TENM2: variants seen among roughly 807,000 people sequenced by gnomAD.
The protein encoded by TENM2 is teneurin transmembrane protein 2.
TENM2 carries 52 observed loss-of-function variants against 245.2 expected under a neutral mutation model. That is an observed-to-expected ratio of 0.21 (90% CI 0.17 to 0.27). The LOEUF is 0.27. Among genes scored for constraint, TENM2 ranks in the 10% least tolerant of loss-of-function variants. The pLI is 1.00. For missense variants in TENM2, 3,046 were observed against 3,666.8 expected, an observed-to-expected ratio of 0.83 and a Z score of 4.37; for synonymous variants, 1,363 against 1,438.9, an observed-to-expected ratio of 0.95 and a Z score of 1.19.
intron 1 of TENM2, among the ~76,000 whole-genome samples, chr5:167,314,087 T>A (rs1435184668): frequency 6.6e-6 from 1 of 152,124 alleles, no homozygotes; most frequent in Non-Finnish European, 1.5e-5. Flanking sequence ...CCATATAGAG[T>A]GGCAAATAAT....
At chr5:167,681,574 G>C (rs1301656466) in intron 2 of TENM2, among the ~76,000 whole-genome samples, 1 of 152,004 alleles carries the variant, frequency 6.6e-6, no homozygotes, top group African/African-American at 2.4e-5. Context: ...GTGTGCTTGT[G>C]TGTGTATGTA....
intron 2 of TENM2, among the ~76,000 whole-genome samples, chr5:167,799,411 CT>C (rs1765545551): frequency 6.6e-6 from 1 of 152,020 alleles, no homozygotes; most frequent in Non-Finnish European, 1.5e-5. Flanking sequence ...TTATTTTGGC[CT>C]TTGCTTTCTA....
chr5:167,186,933 G>T, the TENM2 span, among the ~76,000 whole-genome samples: 133 of 152,278 alleles, frequency 8.7e-4, no homozygotes, highest in Non-Finnish European at 1.5e-3. Flanking sequence ...ACATTTCTGG[G>T]AGAACTCACC....
the TENM2 span, among the ~76,000 whole-genome samples, chr5:167,026,643 C>T: frequency 6.6e-6 from 1 of 152,174 alleles, no homozygotes; most frequent in African/African-American, 2.4e-5. Flanking sequence ...CTTTAGCATG[C>T]GCAAGTATGA....
chr5:167,462,076 C>CACATACAT (rs1554159630), intron 2 of TENM2, among the ~76,000 whole-genome samples: 8 of 151,896 alleles, frequency 5.3e-5, no homozygotes, highest in Non-Finnish European at 8.8e-5. Flanking sequence ...GTTTTACATG[C>CACATACAT]ACATACATAC....
intron 4 of TENM2, among the ~76,000 whole-genome samples, chr5:167,961,857 A>G (rs2151888460): frequency 6.6e-6 from 1 of 152,318 alleles, no homozygotes; most frequent in South Asian, 2.1e-4. Context: ...TGATGGGTGA[A>G]CAACCACAAA....
chr5:167,620,712 G>A (rs1778110507), intron 2 of TENM2, among the ~76,000 whole-genome samples: 1 of 151,854 alleles, frequency 6.6e-6, no homozygotes, highest in African/African-American at 2.4e-5. Context: ...CTCTTTCAAT[G>A]CTCCAGAGAA....
At chr5:167,925,853 A>G (rs545430569) in intron 3 of TENM2, among the ~76,000 whole-genome samples, 1 of 152,338 alleles carries the variant, frequency 6.6e-6, no homozygotes, top group Non-Finnish European at 1.5e-5. Flanking sequence ...TAATGCAGGA[A>G]CAGAAAGCCA....
At chr5:167,501,432 C>T (rs1034804251) in intron 2 of TENM2, among the ~76,000 whole-genome samples, 21 of 152,178 alleles carry the variant, frequency 1.4e-4, no homozygotes, top group African/African-American at 5.1e-4. Flanking sequence ...CAACAAGACA[C>T]ATATTTTGAG....
the TENM2 span, among the ~76,000 whole-genome samples, chr5:166,990,323 A>G: frequency 6.6e-6 from 1 of 152,278 alleles, no homozygotes; most frequent in South Asian, 2.1e-4. Context: ...TTATCCTTCC[A>G]TCACTGTCTC....
intron 2 of TENM2, among the ~76,000 whole-genome samples, chr5:167,856,397 T>C (rs1261205177): frequency 1.3e-5 from 2 of 152,216 alleles, no homozygotes; most frequent in East Asian, 3.8e-4. Context: ...CATTTAGCTC[T>C]GGAAACCCAT....
chr5:167,615,639 T>A (rs1231898618), intron 2 of TENM2, among the ~76,000 whole-genome samples: 2 of 152,040 alleles, frequency 1.3e-5, no homozygotes, highest in African/African-American at 4.8e-5. Flanking sequence ...GCAGACAGAT[T>A]TTTTTTGAAC....
the TENM2 span, among the ~76,000 whole-genome samples, chr5:167,103,703 A>G: frequency 3.3e-5 from 5 of 152,282 alleles, no homozygotes; most frequent in African/African-American, 4.8e-5. Flanking sequence ...GAATCTAACC[A>G]TGTTTGAATT....
At chr5:167,808,151 A>G (rs1053413455) in intron 2 of TENM2, among the ~76,000 whole-genome samples, 1 of 152,140 alleles carries the variant, frequency 6.6e-6, no homozygotes, top group South Asian at 2.1e-4. Context: ...TTTTCATTAC[A>G]CTTACGTTAC....
chr5:167,893,177 A>C (rs1774901273), intron 3 of TENM2, among the ~76,000 whole-genome samples: 1 of 152,162 alleles, frequency 6.6e-6, no homozygotes, highest in Non-Finnish European at 1.5e-5. Flanking sequence ...TAAATAAGGG[A>C]AATTTCAGAC....
exon 27 of TENM2, chr5:168,248,264 A>C (rs747784498): frequency 3.1e-6 from 5 of 1,613,918 alleles, no homozygotes; most frequent in Non-Finnish European, 4.2e-6. Context: ...TCCCCAGACT[A>C]TACCATGTGG....
intron 2 of TENM2, among the ~76,000 whole-genome samples, chr5:167,704,002 T>A (rs1758338840): frequency 6.6e-6 from 1 of 152,144 alleles, no homozygotes; most frequent in Admixed American, 6.5e-5. Flanking sequence ...GAATCAAGCT[T>A]TTGTCTTAAT....
intron 3 of TENM2, among the ~76,000 whole-genome samples, chr5:167,888,134 ATC>A (rs1182985850): frequency 3.9e-5 from 6 of 152,230 alleles, no homozygotes; most frequent in Non-Finnish European, 2.9e-5. Flanking sequence ...ATTCCCAGCT[ATC>A]AAGAGTCAGG....
chr5:168,158,850 T>TATATATATATATATATATACAC lies in TENM2; in HGVS notation c.2423-3760_2423-3759insTATATATATATATATATACACA, dbSNP rs1339051385. 5.4e-3 allele frequency among the ~76,000 whole-genome samples: 334 copies of TATATATATATATATATATACAC among 61,864 alleles called. 7 individuals are homozygous for TATATATATATATATATATACAC. Among genetic ancestry groups the TATATATATATATATATATACAC allele is most frequent in the South Asian group, 0.01 (23 of 2,216 alleles). 40.6% of individuals were successfully genotyped at this position (61,864 alleles called of 152,430 possible). ...GTGTGTATATATATATATATATATA[T>TATATATATATATATATATACAC]ACACACACACACACACACATATATA... is the stretch of plus-strand genomic sequence containing the variant. On this transcript the variant is annotated intron_variant, in intron 12 of 28. Transcript: ENST00000518659.
Sources: gnomAD v4.1 joint callset for allele counts (sites outside exome capture counted in the v4.1 genomes callset) on GRCh38, gnomAD v4.1.1 for gene constraint, MANE v1.5 for transcripts, NCBI Gene and HGNC (gene_info 2026-07-23, HGNC 2026-07-21) for gene names.